The following NELL1 variants were observed in gnomAD, a reference collection of about 807,000 sequenced individuals.
NELL1 encodes the protein neural EGFL like 1, also known as protein kinase C-binding protein NELL1.
A neutral mutation model predicts 107.4 loss-of-function variants in NELL1; 76 were observed. The ratio of observed to expected loss-of-function variants is 0.71; its 90% CI spans 0.59 to 0.86. The LOEUF (loss-of-function observed/expected upper bound fraction) is 0.86, where lower values mean the gene tolerates loss of function less well. NELL1 is among the 40% of genes least tolerant of loss of function. The pLI, the probability that NELL1 is intolerant of heterozygous loss-of-function variation, is 0.00. For missense variants in NELL1, 1,024 were observed against 1,005.5 expected (o/e 1.02, Z -0.25); for synonymous variants, 353 against 341.2 (o/e 1.03, Z -0.38).
chr11:20,917,396 T>C (rs1186654413), intron 5 of NELL1, among the ~76,000 whole-genome samples: 1 of 151,998 alleles, frequency 6.6e-6, no homozygotes, highest in Non-Finnish European at 1.5e-5. Context: ...ACATATATGT[T>C]AAATGTTACT....
At chr11:20,868,877 A>G (rs1394775055) in intron 4 of NELL1, among the ~76,000 whole-genome samples, 1 of 152,160 alleles carries the variant, frequency 6.6e-6, no homozygotes. Context: ...GCCATCAGAC[A>G]TTTTGACAGC....
chr11:20,786,747 A>G (rs543481750), intron 3 of NELL1, among the ~76,000 whole-genome samples: 148 of 151,948 alleles, frequency 9.7e-4, no homozygotes, highest in South Asian at 3.7e-3. Flanking sequence ...GGTGGTTTAC[A>G]CCTGTAATCC....
chr11:21,017,770 T>C (rs1451254029), intron 12 of NELL1, among the ~76,000 whole-genome samples: 1 of 152,126 alleles, frequency 6.6e-6, no homozygotes, highest in East Asian at 1.9e-4. Flanking sequence ...GGAATACTAT[T>C]TCTAAATGCA....
chr11:21,182,638 CAGGAAGCAGCTACCT>C (rs139724972), intron 13 of NELL1, among the ~76,000 whole-genome samples: 3,642 of 151,678 alleles, frequency 0.024, 237 homozygotes, highest in African/African-American at 0.081. Context: ...ATAGCCTTTT[CAGGAAGCAGCTACCT>C]AGGGCTAGGG....
chr11:21,481,206 T>A (rs1226890560), intron 15 of NELL1, among the ~76,000 whole-genome samples: 2 of 152,200 alleles, frequency 1.3e-5, no homozygotes, highest in African/African-American at 4.8e-5. Context: ...GACCCACAGG[T>A]AAAGTCTCTC....
intron 15 of NELL1, among the ~76,000 whole-genome samples, chr11:21,477,630 C>T (rs1455049454): frequency 1.3e-5 from 2 of 151,996 alleles, no homozygotes; most frequent in African/African-American, 2.4e-5. Context: ...AAATACCTAA[C>T]TCTGCCCAAA....
intron 13 of NELL1, among the ~76,000 whole-genome samples, chr11:21,213,467 A>C (rs928186561): frequency 6.6e-6 from 1 of 152,134 alleles, no homozygotes; most frequent in African/African-American, 2.4e-5. Context: ...AATCAATTGA[A>C]TCAATTGAAT....
chr11:21,332,123 C>T lies in NELL1; in HGVS notation c.1550-38730C>T, dbSNP rs943584085. 2.6e-5 allele frequency among the ~76,000 whole-genome samples: 4 copies of T among 152,048 alleles called. No homozygotes were observed. The South Asian group carries it at 8.3e-4, about 31-fold the overall frequency. ...GACTCTCAGCTCTTACTGATCAGAACTTTAATGTCTCCCAGACTTATTAAG... is the reference window on the plus strand; with the variant it reads ...GACTCTCAGCTCTTACTGATCAGAATTTTAATGTCTCCCAGACTTATTAAG... On this transcript the variant is annotated intron_variant, in intron 14 of 19. Transcript: ENST00000357134.
chr11:20,930,054 G>T (rs1421677946), intron 9 of NELL1, among the ~76,000 whole-genome samples: 2 of 151,936 alleles, frequency 1.3e-5, no homozygotes, highest in African/African-American at 2.4e-5. Context: ...TAGAGTTCCT[G>T]CATAGATCTC....
chr11:21,488,147 A>T (rs937719340), intron 15 of NELL1, among the ~76,000 whole-genome samples: 2 of 152,198 alleles, frequency 1.3e-5, no homozygotes, highest in Admixed American at 6.5e-5. Context: ...GAAATCATGG[A>T]TTTAAATTGG....
chr11:21,080,329 T>G (rs187427617), intron 12 of NELL1, among the ~76,000 whole-genome samples: 1 of 152,198 alleles, frequency 6.6e-6, no homozygotes, highest in Non-Finnish European at 1.5e-5. Flanking sequence ...TAGAAATAAT[T>G]ACTTTTCTTG....
At chr11:20,952,817 G>C (rs1023687781) in intron 11 of NELL1, among the ~76,000 whole-genome samples, 1 of 152,178 alleles carries the variant, frequency 6.6e-6, no homozygotes, top group African/African-American at 2.4e-5. Flanking sequence ...TGACACTAAG[G>C]CTAGGCTGCC....
At chr11:20,974,823 A>G (rs1851571860) in intron 12 of NELL1, among the ~76,000 whole-genome samples, 1 of 152,180 alleles carries the variant, frequency 6.6e-6, no homozygotes, top group Non-Finnish European at 1.5e-5. Flanking sequence ...CTTAATGTAA[A>G]CTTAGAAATG....
chr11:21,081,128 T>G (rs946161434), intron 12 of NELL1, among the ~76,000 whole-genome samples: 2 of 152,222 alleles, frequency 1.3e-5, no homozygotes, highest in Admixed American at 1.3e-4. Flanking sequence ...CTTATCACTC[T>G]TCTCTGACTT....
intron 12 of NELL1, among the ~76,000 whole-genome samples, chr11:21,072,474 A>G (rs775802580): frequency 6.6e-6 from 1 of 152,134 alleles, no homozygotes; most frequent in Non-Finnish European, 1.5e-5. Flanking sequence ...TTCCATTTTC[A>G]TTTTAAACAT....
At chr11:20,706,966 A>G (rs1455469749) in intron 2 of NELL1, among the ~76,000 whole-genome samples, 1 of 152,134 alleles carries the variant, frequency 6.6e-6, no homozygotes, top group Non-Finnish European at 1.5e-5. Context: ...AGTATTTTCC[A>G]ACTTGGTTCC....
At chr11:20,960,625 G>A in intron 12 of NELL1, 65 bp downstream of exon 12, 1 of 1,577,676 alleles carries the variant, frequency 6.3e-7, no homozygotes. Context: ...CCTGGTAGAT[G>A]TGGTTAAAGA....
intron 11 of NELL1, among the ~76,000 whole-genome samples, chr11:20,950,677 A>G (rs568342737): frequency 5.3e-5 from 8 of 152,330 alleles, no homozygotes; most frequent in Non-Finnish European, 1.2e-4. Flanking sequence ...TTCTATGTAA[A>G]GTAATTTGTA....
At chr11:21,161,429 C>T (rs933033967) in intron 13 of NELL1, among the ~76,000 whole-genome samples, 3 of 152,188 alleles carry the variant, frequency 2.0e-5, no homozygotes, top group Admixed American at 6.5e-5. Flanking sequence ...CCCAGCTACT[C>T]GGGAGGCTGA....
Sources: gnomAD v4.1 joint callset for allele counts (sites outside exome capture counted in the v4.1 genomes callset) on GRCh38, gnomAD v4.1.1 for gene constraint, MANE v1.5 for transcripts, NCBI Gene and HGNC (gene_info 2026-07-23, HGNC 2026-07-21) for gene names.